MYH10: variants seen among roughly 807,000 people sequenced by gnomAD.
The protein encoded by MYH10 is myosin-10.
MYH10 carries 55 observed loss-of-function variants against 257.8 expected under a neutral mutation model. The observed-to-expected ratio is 0.21, with a 90% confidence interval of 0.17 to 0.27. The LOEUF (loss-of-function observed/expected upper bound fraction) is 0.27, where lower values mean the gene tolerates loss of function less well. Among genes scored for constraint, MYH10 ranks in the 10% least tolerant of loss-of-function variants. MYH10 has a pLI of 1.00. For missense variants in MYH10, 1,631 were observed against 2,500.6 expected, an observed-to-expected ratio of 0.65 and a Z score of 7.42; for synonymous variants, 854 against 921.7, an observed-to-expected ratio of 0.93 and a Z score of 1.33.
At chr17:8,499,136 G>A (rs1412434793) in intron 30 of MYH10, 134 bp downstream of exon 30, 4 of 744,358 alleles carry the variant, frequency 5.4e-6, no homozygotes, top group South Asian at 3.6e-5. Flanking sequence ...AAGACTCGAT[G>A]TATTTACTGG....
chr17:8,622,781 A>G (rs933789239), intron 2 of MYH10, 121 bp downstream of exon 2: 2 of 1,196,186 alleles, frequency 1.7e-6, no homozygotes, highest in African/African-American at 3.1e-5. Context: ...TCTTAAAGAG[A>G]AATAGAAATG....
chr17:8,616,793 T>C (rs973989393), intron 2 of MYH10, among the ~76,000 whole-genome samples: 1 of 152,028 alleles, frequency 6.6e-6, no homozygotes, highest in African/African-American at 2.4e-5. Context: ...TAAAATTATA[T>C]TGAAATGCTA....
chr17:8,612,616 CAAG>C (rs2085084380), intron 2 of MYH10, among the ~76,000 whole-genome samples: 1 of 152,010 alleles, frequency 6.6e-6, no homozygotes, highest in South Asian at 2.1e-4. Context: ...TTTGGGAGGC[CAAG>C]GAGGGGGCAG....
chr17:8,559,258 T>G (rs2082907084), intron 7 of MYH10, among the ~76,000 whole-genome samples: 1 of 152,204 alleles, frequency 6.6e-6, no homozygotes, highest in South Asian at 2.1e-4. Context: ...TGAAATGTTT[T>G]TCTGTCAATT....
intron 21 of MYH10, among the ~76,000 whole-genome samples, chr17:8,516,127 T>C (rs2081461050): frequency 1.3e-5 from 2 of 152,230 alleles, no homozygotes. Context: ...TGATTTCTAT[T>C]ACACCTGTGT....
At chr17:8,574,826 G>C (rs2083452286) in intron 6 of MYH10, among the ~76,000 whole-genome samples, 1 of 152,226 alleles carries the variant, frequency 6.6e-6, no homozygotes, top group Non-Finnish European at 1.5e-5. Flanking sequence ...CATTCAAGTT[G>C]GGTGAAGAAG....
In MYH10 at chr17:8,490,594, G is replaced by A. The variant is rs780031920; in HGVS notation, c.4672-42C>T. ...TCAGGAAAGAGTTGACCGGGGTGGA[G>A]GCACATATGAAGAACAGCAGTCTTA... On this transcript the variant is annotated intron_variant, in intron 34 of 42. Transcript: ENST00000360416. This position sits in a 1 kb window ranked among gnomAD's most constrained non-coding sequence, Gnocchi z 4.1. 2 of 1,586,374 alleles carry A rather than the reference G, an allele frequency of 1.3e-6. No homozygotes were observed. Among genetic ancestry groups the A allele is most frequent in the South Asian group, 2.2e-5 (2 of 90,528 alleles).
intron 16 of MYH10, 60 bp from the exon 17 acceptor site, chr17:8,530,745 G>T: frequency 7.7e-7 from 1 of 1,306,958 alleles, no homozygotes; most frequent in Non-Finnish European, 1.1e-6. Context: ...ACTTCAGTTA[G>T]TGTGAAAGAC....
At chr17:8,604,089 TA>T (rs148434369) in intron 3 of MYH10, among the ~76,000 whole-genome samples, 3,199 of 152,316 alleles carry the variant, frequency 0.021, 43 homozygotes, top group Non-Finnish European at 0.034. Flanking sequence ...GGAACGATTT[TA>T]TAAGAACCTT....
At chr17:8,519,178 G>A (rs1238663831) in intron 19 of MYH10, among the ~76,000 whole-genome samples, 2 of 152,166 alleles carry the variant, frequency 1.3e-5, no homozygotes, top group African/African-American at 4.8e-5. Context: ...CAAAAAGTAG[G>A]TTTAGGAGGT....
chr17:8,612,964 A>T (rs1316383750), intron 2 of MYH10, among the ~76,000 whole-genome samples: 2 of 152,190 alleles, frequency 1.3e-5, no homozygotes, highest in African/African-American at 2.4e-5. Flanking sequence ...CTTAGAATGT[A>T]TCCCTTGAAG....
intron 7 of MYH10, chr17:8,560,819 C>T: frequency 1.7e-6 from 1 of 584,016 alleles, no homozygotes; most frequent in Admixed American, 1.9e-5. Flanking sequence ...ACCTGTGTGG[C>T]CAAGACTGAG....
At chr17:8,551,519 A>G (rs1485738575) in intron 9 of MYH10, among the ~76,000 whole-genome samples, 4 of 152,242 alleles carry the variant, frequency 2.6e-5, no homozygotes, top group South Asian at 2.1e-4. Context: ...CTCTCCCTCA[A>G]TATATTTCTA....
intron 36 of MYH10, 140 bp downstream of exon 36, chr17:8,487,293 A>G: frequency 8.6e-6 from 8 of 929,298 alleles, no homozygotes; most frequent in Non-Finnish European, 1.2e-5. Context: ...ACACACAAGC[A>G]CTCTCTTTAT....
intron 21 of MYH10, among the ~76,000 whole-genome samples, chr17:8,516,219 G>C (rs767547929): frequency 3.9e-5 from 6 of 152,188 alleles, no homozygotes; most frequent in Non-Finnish European, 5.9e-5. Context: ...GACTTCAAAA[G>C]TGTTCAAAAT....
Position 8,546,549 on chromosome 17 carries a change from C to T in MYH10, c.1273G>A (p.Glu425Lys). Residue 425 changes from glutamate (E) to lysine (K), a missense_variant, in exon 12 of 43, where the codon GAA (glutamate) becomes AAA (lysine). This residue lies in a region of MYH10 where 360 missense variants were observed against 581.9 expected (regional missense o/e 0.62). Coordinates refer to ENST00000360416, the MANE Select transcript of MYH10 (RefSeq NM_001256012.3). Reference protein sequence around the residue: ...RDYVQKAQTKEQADFAVEALA... With the variant: ...RDYVQKAQTKKQADFAVEALA... Reference sequence around the variant, plus strand: ...ACAATGAACATGAAACCTACCTGTTCTTTGGTCTGGGCTTTTTGCACATAG... The same window carrying T: ...ACAATGAACATGAAACCTACCTGTTTTTTGGTCTGGGCTTTTTGCACATAG... The T allele has an allele frequency of 6.2e-7, 1 of 1,613,014 alleles. No homozygotes were observed. Among genetic ancestry groups the T allele is most frequent in the Non-Finnish European group, 8.5e-7 (1 of 1,179,238 alleles).
At position 8,577,335 on chromosome 17, in the gene MYH10, A is replaced by G. The variant is rs775200210; in HGVS notation, c.534T>C (p.Gly178=). 2.5e-6 allele frequency: 4 copies of G among 1,605,868 alleles called. No individual in the cohort carries two copies. Among genetic ancestry groups the G allele is most frequent in the Admixed American group, 1.7e-5 (1 of 59,918 alleles). ...TTTCTGTCTTCCCAGCACCTGACTC[A>G]CCCCTGAAAGAAAGAGTTAATATAG... ...DREDQSILCT[G]ESGAGKTENT... Residue 178 remains glycine (G), a synonymous_variant, in exon 5 of 43, where the codon GGT becomes GGC. Coordinates refer to ENST00000360416, the MANE Select transcript of MYH10 (RefSeq NM_001256012.3).
At chr17:8,586,873 G>A (rs149738928) in intron 4 of MYH10, among the ~76,000 whole-genome samples, 11 of 152,288 alleles carry the variant, frequency 7.2e-5, no homozygotes, top group Admixed American at 2.0e-4. Flanking sequence ...ACCTGGTTTT[G>A]TTTGTATTCC....
chr17:8,571,606 C>T (rs1334317053), intron 6 of MYH10, among the ~76,000 whole-genome samples: 6 of 151,440 alleles, frequency 4.0e-5, no homozygotes, highest in African/African-American at 1.5e-4. Flanking sequence ...CACAGTGAAA[C>T]CTGTCTCTAC....
Sources: allele counts gnomAD v4.1 joint callset (sites outside exome capture counted in the v4.1 genomes callset), GRCh38; gene constraint gnomAD v4.1.1; regional missense constraint gnomAD v4.1.1; non-coding constraint Gnocchi (gnomAD v3.1); transcripts MANE v1.5; gene names NCBI Gene and HGNC (gene_info 2026-07-23, HGNC 2026-07-21).